The following TRIM71 variants were observed in gnomAD, a reference collection of about 807,000 sequenced individuals.
TRIM71 encodes tripartite motif containing 71.
In TRIM71, 9 loss-of-function variants were observed where a neutral mutation model predicts 61.2. That is an observed-to-expected ratio of 0.15 (90% CI 0.09 to 0.26). The LOEUF (loss-of-function observed/expected upper bound fraction) is 0.26, where lower values mean the gene tolerates loss of function less well. Ranked by LOEUF, TRIM71 falls within the 10% of genes least tolerant of loss-of-function variation. The pLI is 1.00. For synonymous variants in TRIM71, 645 were observed against 553.2 expected (o/e 1.17, Z -2.33); for missense variants, 998 against 1,238.7 (o/e 0.81, Z 2.92).
At chr3:32,827,670 A>G (rs1018402270) in intron 1 of TRIM71, among the ~76,000 whole-genome samples, 1 of 152,230 alleles carries the variant, frequency 6.6e-6, no homozygotes, top group Non-Finnish European at 1.5e-5. Flanking sequence ...ACAAAAAAGA[A>G]TAAAGTGGGT....
intron 1 of TRIM71, among the ~76,000 whole-genome samples, chr3:32,855,548 A>G (rs77685854): frequency 0.031 from 4,770 of 152,250 alleles, 104 homozygotes; most frequent in Non-Finnish European, 0.047. Context: ...TTGCTGCTAC[A>G]TGGGGAACAC....
intron 1 of TRIM71, among the ~76,000 whole-genome samples, chr3:32,831,412 A>G (rs1348327454): frequency 1.3e-5 from 2 of 152,068 alleles, no homozygotes; most frequent in East Asian, 1.9e-4. Context: ...AGAAAAATTT[A>G]TATTGTAATG....
Position 32,873,978 on chromosome 3 carries a change from C to T in TRIM71, c.1013C>T (p.Ala338Val). The change falls in exon 2 of 4, where the codon GCA becomes GTA. Residue 338 changes from alanine to valine, a missense_variant. Around this residue, in one of 5 missense-constraint regions of TRIM71, gnomAD observed 291 missense variants for 431.2 expected, o/e 0.67. Coordinates refer to ENST00000383763, the MANE Select transcript of TRIM71 (RefSeq NM_001039111.3). ...GCAGATGCCCAGCAGGGACGACAGG[C>T]AATCCAGGTGAGCCTTCCCTGCCCT... ...LLADAQQGRQAIQLSIEQAQT... is the reference protein window; with the variant it reads ...LLADAQQGRQVIQLSIEQAQT... 6.2e-7 allele frequency: 1 copy of T among 1,608,336 alleles called. No individual in the cohort carries two copies.
At chr3:32,831,148 G>A (rs185576369) in intron 1 of TRIM71, among the ~76,000 whole-genome samples, 2 of 152,240 alleles carry the variant, frequency 1.3e-5, no homozygotes, top group African/African-American at 4.8e-5. Context: ...AGATGGGGGT[G>A]GGGGACCGTG....
chr3:32,824,705 A>G (rs1361366499), intron 1 of TRIM71, among the ~76,000 whole-genome samples: 2 of 152,126 alleles, frequency 1.3e-5, no homozygotes, highest in Non-Finnish European at 1.5e-5. Flanking sequence ...GCTGGTCTCA[A>G]ACTCCCAAGG....
Position 32,818,635 on chromosome 3 carries a change from C to T in TRIM71, c.555C>T (p.Ala185=), listed in dbSNP as rs748233861. ...CCCGCTCGGCACCCGGCGGCCCTGC[C>T]GCTTCCCCGTCGGCGCTGCTGCTCC... ...APSRSAPGGP[A]ASPSALLLRR... is the part of the protein sequence containing the mutation. The change falls in exon 1 of 4, where the codon GCC becomes GCT. Residue 185 remains alanine, a synonymous_variant. Coordinates refer to ENST00000383763, the MANE Select transcript of TRIM71 (RefSeq NM_001039111.3). 6.6e-5 allele frequency: 97 copies of T among 1,462,828 alleles called. No homozygotes were observed. The highest frequency in any genetic ancestry group is 7.5e-5 in the Non-Finnish European group (84 of 1,116,692). 90.6% of individuals were successfully genotyped at this position (1,462,828 alleles called of 1,614,324 possible).
rs367764025 is a variant in TRIM71 at position 32,818,128 on chromosome 3, G to A, written c.48G>A (p.Lys16=). ...ETDFQICLLC[K]EMCGSPAPLS... ...ATTTCCAGATCTGCTTGCTGTGCAAGGAGATGTGCGGCTCGCCGGCGCCGC... is the reference window on the plus strand; with the variant it reads ...ATTTCCAGATCTGCTTGCTGTGCAAAGAGATGTGCGGCTCGCCGGCGCCGC... Residue 16 remains lysine, a synonymous_variant, in exon 1 of 4, where the codon AAG becomes AAA. Transcript: ENST00000383763. 8.1e-6 allele frequency: 13 copies of A among 1,611,838 alleles called. No homozygotes were observed. The African/African-American group carries it at 1.3e-4, about 17-fold the overall frequency.
chr3:32,863,934 G>A lies in TRIM71; in HGVS notation c.853-9884G>A, dbSNP rs549929538. Among the ~76,000 whole-genome samples, 5 of 151,938 alleles carry A rather than the reference G, an allele frequency of 3.3e-5. 1 individual carries two copies. In the South Asian group the frequency reaches 1.0e-3, roughly 32 times the overall value. On this transcript the variant is annotated intron_variant, in intron 1 of 3. Transcript: ENST00000383763. Reference sequence around the variant, plus strand: ...TGACTAAAAATGGTCCACCCGCCTCGGCCTCTCAAAAGTGCTGGGATTACA... The same window carrying A: ...TGACTAAAAATGGTCCACCCGCCTCAGCCTCTCAAAAGTGCTGGGATTACA...
chr3:32,893,111 C>T lies in TRIM71; in HGVS notation c.*1300C>T, dbSNP rs1697043929. 6.6e-6 allele frequency: 1 copy of T among 152,102 alleles called. No homozygotes were observed. The highest frequency in any genetic ancestry group is 2.4e-5 in the African/African-American group (1 of 41,404). 9.4% of individuals were successfully genotyped at this position (152,102 alleles called of 1,614,324 possible). A position where few individuals can be genotyped will look rare whatever the true frequency, so the allele number is the denominator to read the frequency against. On this transcript the variant is annotated 3_prime_UTR_variant, in exon 4 of 4. Transcript: ENST00000383763. ...AATACCAACAGCCCAGTCCCACACCCTCTGCTTGGGTCACTTTTTATAGGA... is the reference window on the plus strand; with the variant it reads ...AATACCAACAGCCCAGTCCCACACCTTCTGCTTGGGTCACTTTTTATAGGA...
At position 32,891,886 on chromosome 3, in the gene TRIM71, C is replaced by G; in HGVS notation, c.*75C>G. The G allele has an allele frequency of 6.6e-7, 1 of 1,507,428 alleles. No individual in the cohort carries two copies. The highest frequency in any genetic ancestry group is 8.9e-7 in the Non-Finnish European group (1 of 1,129,404). The allele number at this position is 1,507,428 out of a possible 1,614,324, so 93.4% of individuals were successfully genotyped here. On this transcript the variant is annotated 3_prime_UTR_variant, in exon 4 of 4. Coordinates refer to ENST00000383763, the MANE Select transcript of TRIM71 (RefSeq NM_001039111.3). This position sits in a 1 kb window ranked among gnomAD's most constrained non-coding sequence, Gnocchi z 8.2. Reference sequence around the variant, plus strand: ...TCTCTCTCTCTCTTTCTCTTTCTCTCTCTTTTTGAATTTCAAAGAAGAAAC... The same window carrying G: ...TCTCTCTCTCTCTTTCTCTTTCTCTGTCTTTTTGAATTTCAAAGAAGAAAC...
In TRIM71 at chr3:32,890,277, G is replaced by T; in HGVS notation, c.1156-83G>T. 1 of 1,495,558 alleles carries T rather than the reference G, an allele frequency of 6.7e-7. No individual in the cohort carries two copies. Among genetic ancestry groups the T allele is most frequent in the Non-Finnish European group, 9.0e-7 (1 of 1,110,382 alleles). The allele number at this position is 1,495,558 out of a possible 1,614,324, so 92.6% of individuals were successfully genotyped here. A position where few individuals can be genotyped will look rare whatever the true frequency, so the allele number is the denominator to read the frequency against. Reference sequence around the variant, plus strand: ...ATATGTGTTTGTCTGATGCTTCCTTGTGATTAGTTGTGGCTTATGTGGTAT... The same window carrying T: ...ATATGTGTTTGTCTGATGCTTCCTTTTGATTAGTTGTGGCTTATGTGGTAT... On this transcript the variant is annotated intron_variant, in intron 3 of 3. Transcript: ENST00000383763. This position sits in a 1 kb window ranked among gnomAD's most constrained non-coding sequence, Gnocchi z 6.2.
intron 1 of TRIM71, among the ~76,000 whole-genome samples, chr3:32,867,114 A>G (rs1696746317): frequency 6.6e-6 from 1 of 151,998 alleles, no homozygotes; most frequent in South Asian, 2.1e-4. Flanking sequence ...TAAATTTGAG[A>G]TGAGTAGATG....
Position 32,896,341 on chromosome 3 carries a change from G to A in TRIM71, c.*4530G>A, listed in dbSNP as rs950769079. The A allele has an allele frequency of 6.6e-6, 1 of 152,186 alleles. No individual in the cohort carries two copies. The highest frequency in any genetic ancestry group is 1.5e-5 in the Non-Finnish European group (1 of 68,030). The allele number at this position is 152,186 out of a possible 1,614,324, so 9.4% of individuals were successfully genotyped here. On this transcript the variant is annotated 3_prime_UTR_variant, in exon 4 of 4. Transcript: ENST00000383763. ...CCGGCAGGACGTTCATCACCATGAT[G>A]TTGCAACAATCACTGTTTTGACTGA...
intron 1 of TRIM71, among the ~76,000 whole-genome samples, chr3:32,847,109 C>T (rs934427984): frequency 6.6e-6 from 1 of 151,794 alleles, no homozygotes; most frequent in African/African-American, 2.4e-5. Flanking sequence ...TCTGCAACCT[C>T]CGCCTCCCAG....
At chr3:32,862,295 A>G (rs1696680631) in intron 1 of TRIM71, among the ~76,000 whole-genome samples, 1 of 152,228 alleles carries the variant, frequency 6.6e-6, no homozygotes, top group African/African-American at 2.4e-5. Context: ...ATTTACTAAC[A>G]GTTTTTATTA....
chr3:32,824,294 C>A lies in TRIM71; in HGVS notation c.852+5362C>A, dbSNP rs148157952. Among the ~76,000 whole-genome samples the A allele has an allele frequency of 4.5e-4, 68 of 152,070 alleles. No homozygotes were observed. In the East Asian group the frequency reaches 0.012, roughly 26 times the overall value. On this transcript the variant is annotated intron_variant, in intron 1 of 3. Transcript: ENST00000383763. ...ACGGGTTCAAGTGATTCTCCTGCCTCAGCCTCCCAAGTAACGGGGATTACA... is the reference window on the plus strand; with the variant it reads ...ACGGGTTCAAGTGATTCTCCTGCCTAAGCCTCCCAAGTAACGGGGATTACA...
In TRIM71 at chr3:32,887,928, C is replaced by G. The variant is rs184681744; in HGVS notation, c.1155+1860C>G. Reference sequence around the variant, plus strand: ...GCTCTTTCAACAGTGGACGCTTATTCTGAAATAGCCTTCTATGGCTTTCAG... The same window carrying G: ...GCTCTTTCAACAGTGGACGCTTATTGTGAAATAGCCTTCTATGGCTTTCAG... On this transcript the variant is annotated intron_variant, in intron 3 of 3. Coordinates refer to ENST00000383763, the MANE Select transcript of TRIM71 (RefSeq NM_001039111.3). Among the ~76,000 whole-genome samples, 122 of 152,312 alleles carry G rather than the reference C, an allele frequency of 8.0e-4. 1 individual carries two copies. The highest frequency in any genetic ancestry group is 2.0e-3 in the Admixed American group (30 of 15,300).
chr3:32,846,696 T>C (rs1184629203), intron 1 of TRIM71, among the ~76,000 whole-genome samples: 1 of 141,130 alleles, frequency 7.1e-6, no homozygotes, highest in African/African-American at 2.6e-5. Context: ...GCCTCTGATA[T>C]TCTACTCTCT....
intron 1 of TRIM71, among the ~76,000 whole-genome samples, chr3:32,847,574 C>T (rs1197351748): frequency 1.3e-5 from 2 of 152,222 alleles, no homozygotes; most frequent in African/African-American, 4.8e-5. Flanking sequence ...TAAGGTTGTG[C>T]ATTTTAAATG....
Sources: allele counts gnomAD v4.1 joint callset (sites outside exome capture counted in the v4.1 genomes callset), GRCh38; gene constraint gnomAD v4.1.1; regional missense constraint gnomAD v4.1.1; non-coding constraint Gnocchi (gnomAD v3.1); transcripts MANE v1.5; gene names NCBI Gene and HGNC (gene_info 2026-07-23, HGNC 2026-07-21).